The following CCR5AS variants were observed in gnomAD, a reference collection of about 807,000 sequenced individuals.
CCR5AS encodes CCR5 antisense RNA.
chr3:46,372,381 A>G (rs991231073), intron 2 of CCR5AS, among the ~76,000 whole-genome samples: 1 of 151,984 alleles, frequency 6.6e-6, no homozygotes, highest in African/African-American at 2.4e-5. Context: ...AATAAACAAA[A>G]TTAGCTTGGT....
At chr3:46,390,391 C>T (rs1269840492) in intron 2 of CCR5AS, among the ~76,000 whole-genome samples, 4 of 152,028 alleles carry the variant, frequency 2.6e-5, no homozygotes, top group African/African-American at 2.4e-5. Flanking sequence ...AAGACTTGTC[C>T]GGTTTCTGGA....
Position 46,368,073 on chromosome 3 carries a change from C to T in CCR5AS, n.566-3028G>A, listed in dbSNP as rs574498732. 6.6e-5 allele frequency among the ~76,000 whole-genome samples: 10 copies of T among 152,112 alleles called. No homozygotes were observed. In the South Asian group the frequency reaches 1.9e-3, roughly 28 times the overall value. On this transcript the variant is annotated intron_variant and non_coding_transcript_variant, in intron 3 of 3. Coordinates refer to ENST00000451485, the Ensembl canonical transcript of CCR5AS. ...ATTAACATTCTCCCCATCCTGTTGACGATGCTCTGAAAATATGGTCCAGAA... is the reference window on the plus strand; with the variant it reads ...ATTAACATTCTCCCCATCCTGTTGATGATGCTCTGAAAATATGGTCCAGAA...
chr3:46,400,874 G>GAATTAATAGCCAAAA (rs1702000427), intron 1 of CCR5AS, among the ~76,000 whole-genome samples: 1 of 152,180 alleles, frequency 6.6e-6, no homozygotes, highest in Admixed American at 6.5e-5. Flanking sequence ...ATCTAGAAGG[G>GAATTAATAGCCAAAA]AATTAATAGC....
At chr3:46,376,239 AC>A (rs1701756428) in intron 2 of CCR5AS, 1 of 157,382 alleles carries the variant, frequency 6.4e-6, no homozygotes, top group Admixed American at 6.5e-5. Context: ...AGTCAAGTGT[AC>A]ATTTAGAGAA....
chr3:46,373,702 A>G, intron 2 of CCR5AS: 5 of 1,614,156 alleles, frequency 3.1e-6, no homozygotes, highest in Non-Finnish European at 4.2e-6. Context: ...TTTGGCCTGA[A>G]TAATTGCAGT....
In CCR5AS at chr3:46,379,509, G is replaced by A. The variant is rs868395954; in HGVS notation, n.392-8092C>T. On this transcript the variant is annotated intron_variant and non_coding_transcript_variant, in intron 2 of 3. Coordinates refer to ENST00000451485, the Ensembl canonical transcript of CCR5AS. ...ACCGCAGATTAGTCACTCATTGCTT[G>A]CAGAATCCAATTAACAAGAGCGAGG... Among the ~76,000 whole-genome samples, 8 of 152,174 alleles carry A rather than the reference G, an allele frequency of 5.3e-5. No individual in the cohort carries two copies. In the South Asian group the frequency reaches 1.2e-3, roughly 24 times the overall value.
intron 1 of CCR5AS, among the ~76,000 whole-genome samples, chr3:46,400,642 G>A (rs1029408345): frequency 1.3e-5 from 2 of 152,332 alleles, no homozygotes; most frequent in East Asian, 1.9e-4. Flanking sequence ...GAAGGCCAGG[G>A]AGTTGAGTTA....
At chr3:46,371,094 C>T (rs187838508) in intron 3 of CCR5AS, 16 of 152,234 alleles carry the variant, frequency 1.1e-4, no homozygotes, top group Admixed American at 3.3e-4. Flanking sequence ...AGTGCTCATA[C>T]AATTATCTTA....
At chr3:46,377,789 A>C (rs1386205431) in intron 2 of CCR5AS, among the ~76,000 whole-genome samples, 1 of 151,222 alleles carries the variant, frequency 6.6e-6, no homozygotes, top group East Asian at 1.9e-4. Flanking sequence ...CACTGCAACC[A>C]CTGCCTCCCG....
chr3:46,397,218 C>T (rs1250780578), intron 1 of CCR5AS, among the ~76,000 whole-genome samples: 4 of 151,918 alleles, frequency 2.6e-5, no homozygotes. Flanking sequence ...TGTGCTCCCC[C>T]AGCTTGGCAC....
intron 3 of CCR5AS, among the ~76,000 whole-genome samples, chr3:46,367,157 C>T (rs180713011): frequency 6.6e-6 from 1 of 152,092 alleles, no homozygotes; most frequent in Non-Finnish European, 1.5e-5. Context: ...TGGCCCTTAC[C>T]TCTGGGTGGA....
chr3:46,401,753 T>C (rs910708266), intron 1 of CCR5AS, among the ~76,000 whole-genome samples: 1 of 149,918 alleles, frequency 6.7e-6, no homozygotes, highest in Non-Finnish European at 1.5e-5. Context: ...ATTTATTTAT[T>C]ATTAATTTAA....
intron 2 of CCR5AS, among the ~76,000 whole-genome samples, chr3:46,378,470 T>C (rs949182005): frequency 6.6e-5 from 10 of 152,170 alleles, no homozygotes; most frequent in African/African-American, 2.4e-4. Context: ...TGGTCACTAG[T>C]TTTTTTAAAG....
intron 1 of CCR5AS, among the ~76,000 whole-genome samples, chr3:46,400,428 A>T (rs907319910): frequency 5.3e-5 from 8 of 152,348 alleles, no homozygotes; most frequent in African/African-American, 1.9e-4. Context: ...TCTCAGCTAG[A>T]TAAAGAGGGA....
chr3:46,367,315 T>C (rs1205634697), intron 3 of CCR5AS, among the ~76,000 whole-genome samples: 1 of 145,934 alleles, frequency 6.9e-6, no homozygotes, highest in African/African-American at 2.5e-5. Context: ...ACTACACTTA[T>C]AAAGAATTTT....
intron 2 of CCR5AS, chr3:46,371,526 A>T (rs1372589420): frequency 1.3e-5 from 2 of 152,216 alleles, no homozygotes; most frequent in Non-Finnish European, 2.9e-5. Flanking sequence ...GTTCAAAATT[A>T]AAAATGAGCT....
At chr3:46,389,152 T>A (rs1201646162) in intron 2 of CCR5AS, among the ~76,000 whole-genome samples, 2 of 152,130 alleles carry the variant, frequency 1.3e-5, no homozygotes, top group African/African-American at 4.8e-5. Flanking sequence ...ATAAATAGAC[T>A]TAATAGAATG....
intron 2 of CCR5AS, chr3:46,376,251 T>C (rs1400022191): frequency 6.4e-6 from 1 of 155,914 alleles, no homozygotes; most frequent in African/African-American, 2.4e-5. Flanking sequence ...ATTTAGAGAA[T>C]AGCACATAAA....
chr3:46,376,850 C>G (rs1156807645), intron 2 of CCR5AS, among the ~76,000 whole-genome samples: 1 of 152,160 alleles, frequency 6.6e-6, no homozygotes, highest in South Asian at 2.1e-4. Flanking sequence ...CATCTCCCAG[C>G]ACAGGTCATG....
Sources: gnomAD v4.1 joint callset for allele counts (sites outside exome capture counted in the v4.1 genomes callset) on GRCh38, gnomAD v4.1.1 for gene constraint, MANE v1.5 for transcripts, NCBI Gene and HGNC (gene_info 2026-07-23, HGNC 2026-07-21) for gene names.